Variants in FHIT observed in about 807,000 individuals in gnomAD.
The protein encoded by FHIT is fragile histidine triad diadenosine triphosphatase, also known as bis(5'-adenosyl)-triphosphatase.
FHIT carries 19 observed loss-of-function variants against 17.9 expected under a neutral mutation model. That is an observed-to-expected ratio of 1.06 (90% CI 0.74 to 1.56). The LOEUF is 1.56. Ranked by LOEUF, FHIT falls within the 40% of genes most tolerant of loss-of-function variation. The pLI is 0.00. For synonymous variants in FHIT, 81 were observed against 69.7 expected (o/e 1.16, Z -0.81); for missense variants, 248 against 189.2 (o/e 1.31, Z -1.82).
intron 5 of FHIT, among the ~76,000 whole-genome samples, chr3:60,154,967 AG>A (rs1403669557): frequency 1.3e-5 from 2 of 152,128 alleles, no homozygotes; most frequent in African/African-American, 4.8e-5. Context: ...TGGGAGGCCA[AG>A]GTGAGAGGAT....
At chr3:60,001,186 C>T (rs1699716232) in intron 7 of FHIT, among the ~76,000 whole-genome samples, 1 of 152,314 alleles carries the variant, frequency 6.6e-6, no homozygotes, top group South Asian at 2.1e-4. Flanking sequence ...GAAGACAATA[C>T]ACTGAGAGTT....
At chr3:60,522,655 T>A (rs1350761745) in intron 5 of FHIT, among the ~76,000 whole-genome samples, 1 of 152,190 alleles carries the variant, frequency 6.6e-6, no homozygotes, top group Non-Finnish European at 1.5e-5. Context: ...CCATGTGCAT[T>A]GGAAGGATGT....
At chr3:60,007,161 C>T (rs563402493) in intron 7 of FHIT, among the ~76,000 whole-genome samples, 5 of 152,000 alleles carry the variant, frequency 3.3e-5, no homozygotes, top group Admixed American at 6.6e-5. Context: ...TACCTAAAAC[C>T]GCCTCCCACC....
At chr3:59,857,035 G>A (rs1702187457) in intron 8 of FHIT, among the ~76,000 whole-genome samples, 1 of 152,204 alleles carries the variant, frequency 6.6e-6, no homozygotes, top group African/African-American at 2.4e-5. Context: ...CGCAGTCTCT[G>A]AATACTGATG....
At chr3:60,481,890 A>G (rs1398047615) in intron 5 of FHIT, among the ~76,000 whole-genome samples, 4 of 152,218 alleles carry the variant, frequency 2.6e-5, no homozygotes, top group Admixed American at 1.3e-4. Context: ...CAAATTGGAT[A>G]AAGAGTCAAG....
intron 8 of FHIT, among the ~76,000 whole-genome samples, chr3:59,867,355 A>G (rs1313331885): frequency 6.6e-6 from 1 of 151,588 alleles, no homozygotes; most frequent in East Asian, 2.0e-4. Flanking sequence ...CATAATAACC[A>G]CATTCATTCT....
intron 5 of FHIT, among the ~76,000 whole-genome samples, chr3:60,287,256 C>T (rs563703934): frequency 6.6e-6 from 1 of 152,292 alleles, no homozygotes; most frequent in South Asian, 2.1e-4. Flanking sequence ...GCAGCCTCTG[C>T]CTCCCAGGTT....
intron 3 of FHIT, among the ~76,000 whole-genome samples, chr3:60,955,309 A>G (rs553997865): frequency 6.6e-6 from 1 of 152,170 alleles, no homozygotes; most frequent in Non-Finnish European, 1.5e-5. Context: ...CACATGGAGA[A>G]GACTACATAC....
intron 5 of FHIT, among the ~76,000 whole-genome samples, chr3:60,307,494 A>G (rs17400606): frequency 0.014 from 2,193 of 152,288 alleles, 24 homozygotes; most frequent in Middle Eastern, 0.034. Flanking sequence ...TTGAGTTTTT[A>G]CCATCAAATA....
At chr3:60,177,860 C>T (rs577416008) in intron 5 of FHIT, among the ~76,000 whole-genome samples, 6 of 152,138 alleles carry the variant, frequency 3.9e-5, no homozygotes, top group Non-Finnish European at 5.9e-5. Context: ...TTGGTATAGG[C>T]TGGACTGGGT....
At chr3:61,128,300 G>C (rs905180849) in intron 2 of FHIT, among the ~76,000 whole-genome samples, 1 of 152,184 alleles carries the variant, frequency 6.6e-6, no homozygotes, top group Non-Finnish European at 1.5e-5. Context: ...ATGACTTATT[G>C]TAGGACCAGG....
intron 5 of FHIT, among the ~76,000 whole-genome samples, chr3:60,456,781 G>T (rs904885109): frequency 6.6e-6 from 1 of 152,076 alleles, no homozygotes; most frequent in African/African-American, 2.4e-5. Flanking sequence ...TCTTAATGAA[G>T]ACTTTTAATA....
intron 5 of FHIT, among the ~76,000 whole-genome samples, chr3:60,095,027 T>C (rs1703884248): frequency 6.6e-6 from 1 of 152,068 alleles, no homozygotes; most frequent in Non-Finnish European, 1.5e-5. Context: ...AATTAAGGGG[T>C]GGTAGCTTTC....
chr3:59,982,454 A>G (rs1708696397), intron 7 of FHIT, among the ~76,000 whole-genome samples: 1 of 152,206 alleles, frequency 6.6e-6, no homozygotes, highest in Admixed American at 6.5e-5. Context: ...CAAAGGCTGC[A>G]AAGCTAGCAC....
intron 3 of FHIT, among the ~76,000 whole-genome samples, chr3:61,005,939 C>T (rs1203353514): frequency 6.6e-6 from 1 of 151,732 alleles, no homozygotes; most frequent in Non-Finnish European, 1.5e-5. Context: ...TCCTCACCCA[C>T]TCCACTCATC....
intron 4 of FHIT, among the ~76,000 whole-genome samples, chr3:60,703,915 A>T (rs2107916158): frequency 6.6e-6 from 1 of 152,286 alleles, no homozygotes; most frequent in Admixed American, 6.5e-5. Context: ...TGGGAATAAT[A>T]TAATACTGAA....
intron 5 of FHIT, among the ~76,000 whole-genome samples, chr3:60,292,296 T>C (rs370902137): frequency 6.6e-6 from 1 of 152,168 alleles, no homozygotes; most frequent in African/African-American, 2.4e-5. Flanking sequence ...TTCGAAATAG[T>C]TGAATATAAA....
At chr3:59,869,413 A>C (rs1559681751) in intron 8 of FHIT, among the ~76,000 whole-genome samples, 1 of 151,150 alleles carries the variant, frequency 6.6e-6, no homozygotes, top group Non-Finnish European at 1.5e-5. Context: ...TCCTTCACTG[A>C]GTTGTATTTG....
In FHIT at chr3:60,871,649, T is replaced by C. The variant is rs77205042; in HGVS notation, c.-110-49638A>G. On this transcript the variant is annotated intron_variant, in intron 3 of 9. Transcript: ENST00000492590. ...GTCTGACTGTATTTGTTTATTTTTT[T>C]CTGAAATGGAGTCTTGCTCTGTCAC... Among the ~76,000 whole-genome samples the C allele has an allele frequency of 1.0e-3, 158 of 152,256 alleles. 1 individual carries two copies. The highest frequency in any genetic ancestry group is 3.7e-3 in the African/African-American group (155 of 41,564).
Sources: gnomAD v4.1 joint callset for allele counts (sites outside exome capture counted in the v4.1 genomes callset) on GRCh38, gnomAD v4.1.1 for gene constraint, MANE v1.5 for transcripts, NCBI Gene and HGNC (gene_info 2026-07-23, HGNC 2026-07-21) for gene names.